The following TTC28 variants were observed in gnomAD, a reference collection of about 807,000 sequenced individuals.
The protein encoded by TTC28 is tetratricopeptide repeat protein 28.
Under a neutral mutation model 198.0 loss-of-function variants are expected in TTC28, and 61 were observed. The ratio of observed to expected loss-of-function variants is 0.31; its 90% CI spans 0.25 to 0.38. TTC28 has a LOEUF of 0.38. Ranked by LOEUF, TTC28 falls within the 10% of genes least tolerant of loss-of-function variation. The pLI, the probability that TTC28 is intolerant of heterozygous loss-of-function variation, is 1.00. For missense variants in TTC28, 2,678 were observed against 3,164.0 expected (o/e 0.85, Z 3.69); for synonymous variants, 1,171 against 1,297.8 (o/e 0.90, Z 2.10).
chr22:28,602,245 G>A (rs1387727786), intron 2 of TTC28, among the ~76,000 whole-genome samples: 4 of 152,132 alleles, frequency 2.6e-5, no homozygotes, highest in African/African-American at 7.2e-5. Context: ...TGTAATGTGG[G>A]CACCTGGTAC....
At chr22:28,260,588 AG>A (rs1416707279) in intron 5 of TTC28, among the ~76,000 whole-genome samples, 1 of 152,210 alleles carries the variant, frequency 6.6e-6, no homozygotes, top group Non-Finnish European at 1.5e-5. Flanking sequence ...AGAAAATAAA[AG>A]GTGAAATGAT....
intron 10 of TTC28, 30 bp from the exon 11 acceptor site, chr22:28,096,438 C>A: frequency 2.6e-6 from 4 of 1,547,918 alleles, no homozygotes; most frequent in Non-Finnish European, 3.5e-6. Context: ...GCCGAGGAGT[C>A]CATAGTGAGT....
intron 2 of TTC28, among the ~76,000 whole-genome samples, chr22:28,422,303 T>A (rs1436688083): frequency 6.6e-6 from 1 of 152,206 alleles, no homozygotes; most frequent in East Asian, 1.9e-4. Flanking sequence ...GGCATATGTA[T>A]GAATGGCTTT....
intron 12 of TTC28, among the ~76,000 whole-genome samples, chr22:28,093,104 A>G (rs1941861955): frequency 6.6e-6 from 1 of 152,216 alleles, no homozygotes. Context: ...AAGGGGTTGG[A>G]CTAGATGACT....
intron 5 of TTC28, among the ~76,000 whole-genome samples, chr22:28,228,763 G>C (rs1928565482): frequency 6.6e-6 from 1 of 152,038 alleles, no homozygotes; most frequent in African/African-American, 2.4e-5. Flanking sequence ...TCTGAGGAAG[G>C]TCACTCTAAG....
chr22:28,188,603 G>A (rs1372926624), intron 5 of TTC28, among the ~76,000 whole-genome samples: 2 of 152,188 alleles, frequency 1.3e-5, no homozygotes, highest in African/African-American at 4.8e-5. Flanking sequence ...TAGAGATGAA[G>A]ACGGAAATGA....
intron 20 of TTC28, 59 bp downstream of exon 20, chr22:27,990,729 CG>C: frequency 7.8e-7 from 1 of 1,289,156 alleles, no homozygotes; most frequent in Non-Finnish European, 1.0e-6. Flanking sequence ...CAGGGGAACT[CG>C]GGGGTGGGTG....
intron 5 of TTC28, among the ~76,000 whole-genome samples, chr22:28,239,405 G>A (rs1046528406): frequency 1.3e-5 from 2 of 152,120 alleles, no homozygotes; most frequent in African/African-American, 2.4e-5. Context: ...GCTGGACAAA[G>A]TACAAATCAA....
chr22:28,314,166 G>A (rs1466558434), intron 2 of TTC28, among the ~76,000 whole-genome samples: 1 of 152,104 alleles, frequency 6.6e-6, no homozygotes, highest in African/African-American at 2.4e-5. Context: ...GGATGTGACA[G>A]ACCTCTTCAA....
chr22:28,134,323 C>T (rs1220459103), intron 6 of TTC28, among the ~76,000 whole-genome samples: 2 of 152,224 alleles, frequency 1.3e-5, no homozygotes, highest in African/African-American at 4.8e-5. Flanking sequence ...CAAAGGAATG[C>T]AGCTCCTCGC....
chr22:28,058,091 T>TC (rs1410568209), intron 12 of TTC28, among the ~76,000 whole-genome samples: 1 of 151,940 alleles, frequency 6.6e-6, no homozygotes, highest in Non-Finnish European at 1.5e-5. Context: ...CAGAAATGCT[T>TC]CTTTTTTTTT....
intron 2 of TTC28, among the ~76,000 whole-genome samples, chr22:28,549,388 T>C (rs1188897055): frequency 2.0e-5 from 3 of 152,194 alleles, no homozygotes; most frequent in Non-Finnish European, 2.9e-5. Flanking sequence ...GTTTTCTGTA[T>C]ATTCATCTTA....
At chr22:28,383,004 C>A (rs760417810) in intron 2 of TTC28, among the ~76,000 whole-genome samples, 9 of 152,166 alleles carry the variant, frequency 5.9e-5, no homozygotes, top group Admixed American at 1.3e-4. Context: ...TCTTACTTGA[C>A]CTATCATTTA....
At chr22:28,503,707 C>T (rs1462766489) in intron 2 of TTC28, among the ~76,000 whole-genome samples, 1 of 152,136 alleles carries the variant, frequency 6.6e-6, no homozygotes, top group Non-Finnish European at 1.5e-5. Flanking sequence ...TAGCTAAGAA[C>T]TTTAACGCAT....
intron 12 of TTC28, among the ~76,000 whole-genome samples, chr22:28,032,225 A>ATG (rs1939142591): frequency 7.5e-6 from 1 of 133,764 alleles, no homozygotes; most frequent in Non-Finnish European, 1.6e-5. Flanking sequence ...TATAAAATAT[A>ATG]TATATATAAA....
intron 2 of TTC28, among the ~76,000 whole-genome samples, chr22:28,596,067 A>G (rs1301535735): frequency 6.6e-6 from 1 of 152,212 alleles, no homozygotes; most frequent in African/African-American, 2.4e-5. Flanking sequence ...TCTGATAGTA[A>G]AAAGAGCTTA....
chr22:28,137,097 C>T (rs1943217342), intron 6 of TTC28, among the ~76,000 whole-genome samples: 2 of 152,130 alleles, frequency 1.3e-5, no homozygotes, highest in South Asian at 4.1e-4. Flanking sequence ...ACTGACTGGC[C>T]ACTAGCATCT....
At chr22:28,372,620 G>A (rs1225666597) in intron 2 of TTC28, among the ~76,000 whole-genome samples, 1 of 151,480 alleles carries the variant, frequency 6.6e-6, no homozygotes, top group Non-Finnish European at 1.5e-5. Flanking sequence ...CTACACACTG[G>A]GTAACAATAA....
chr22:28,463,731 G>A (rs1203538429), intron 2 of TTC28, among the ~76,000 whole-genome samples: 5 of 151,452 alleles, frequency 3.3e-5, no homozygotes, highest in Non-Finnish European at 7.4e-5. Context: ...TTGGACACAG[G>A]AAGGGGAACA....
Sources: gnomAD v4.1 joint callset for allele counts (sites outside exome capture counted in the v4.1 genomes callset) on GRCh38, gnomAD v4.1.1 for gene constraint, MANE v1.5 for transcripts, NCBI Gene and HGNC (gene_info 2026-07-23, HGNC 2026-07-21) for gene names.